GRIA1: variants seen among roughly 807,000 people sequenced by gnomAD.
The protein encoded by GRIA1 is glutamate ionotropic receptor AMPA type subunit 1.
Under a neutral mutation model 99.2 loss-of-function variants are expected in GRIA1, and 31 were observed. That is an observed-to-expected ratio of 0.31 (90% confidence interval 0.23 to 0.42). The LOEUF is 0.42. Ranked by LOEUF, GRIA1 falls within the 10% of genes least tolerant of loss-of-function variation. The pLI, the probability that GRIA1 is intolerant of heterozygous loss-of-function variation, is 1.00. For synonymous variants in GRIA1, 438 were observed against 432.4 expected, an observed-to-expected ratio of 1.01 and a Z score of -0.16; for missense variants, 782 against 1,157.5, an observed-to-expected ratio of 0.68 and a Z score of 4.71.
intron 2 of GRIA1, among the ~76,000 whole-genome samples, chr5:153,566,493 A>T (rs564551780): frequency 6.7e-6 from 1 of 149,344 alleles, no homozygotes; most frequent in Admixed American, 6.7e-5. Context: ...TTTAGTAGAG[A>T]TGGGGTTTCA....
chr5:153,571,453 T>C (rs1426538825), intron 2 of GRIA1, among the ~76,000 whole-genome samples: 1 of 152,190 alleles, frequency 6.6e-6, no homozygotes, highest in South Asian at 2.1e-4. Context: ...AATGAACATG[T>C]TCCAGCAAAA....
chr5:153,644,080 G>T (rs778332456), intron 2 of GRIA1, among the ~76,000 whole-genome samples: 1 of 152,152 alleles, frequency 6.6e-6, no homozygotes, highest in African/African-American at 2.4e-5. Flanking sequence ...AAATACTGTA[G>T]AGAGTATATT....
chr5:153,585,510 T>C (rs1000203244), intron 2 of GRIA1, among the ~76,000 whole-genome samples: 4 of 151,882 alleles, frequency 2.6e-5, no homozygotes, highest in African/African-American at 9.7e-5. Context: ...GGTTTCACCA[T>C]ATTGGTCAGG....
At chr5:153,690,996 T>C (rs1240792991) in intron 8 of GRIA1, among the ~76,000 whole-genome samples, 1 of 152,206 alleles carries the variant, frequency 6.6e-6, no homozygotes, top group East Asian at 1.9e-4. Flanking sequence ...AAGGAGCTGT[T>C]TCTTCCAGAT....
chr5:153,516,937 G>A (rs1273091757), intron 2 of GRIA1, among the ~76,000 whole-genome samples: 1 of 152,172 alleles, frequency 6.6e-6, no homozygotes, highest in Non-Finnish European at 1.5e-5. Flanking sequence ...GTATTATGAA[G>A]AAAAACAAAT....
At chr5:153,786,883 C>T (rs1033772434) in intron 13 of GRIA1, among the ~76,000 whole-genome samples, 9 of 152,250 alleles carry the variant, frequency 5.9e-5, no homozygotes, top group Middle Eastern at 3.4e-3. Context: ...TGCCCAGCAG[C>T]CTGGTCTGAT....
intron 15 of GRIA1, among the ~76,000 whole-genome samples, chr5:153,803,143 A>G (rs1233951755): frequency 3.9e-5 from 6 of 152,356 alleles, no homozygotes; most frequent in African/African-American, 1.4e-4. Context: ...ACAGATGACT[A>G]AAGGTGATAG....
intron 2 of GRIA1, among the ~76,000 whole-genome samples, chr5:153,544,081 G>A (rs1759389991): frequency 6.6e-6 from 1 of 152,058 alleles, no homozygotes; most frequent in Non-Finnish European, 1.5e-5. Flanking sequence ...CACAGAATCT[G>A]GGAAAAAAGT....
rs77482196 is a variant in GRIA1 at position 153,679,345 on chromosome 5, C to T, written c.1029+2184C>T. On this transcript the variant is annotated intron_variant, in intron 7 of 15. Coordinates refer to ENST00000285900, the MANE Select transcript of GRIA1 (RefSeq NM_000827.4). ...TGACCTTAAGATCAGAGGTTCAAAT[C>T]GATTCATTTTCCAATCTTTGTTAAG... 2.6e-3 allele frequency among the ~76,000 whole-genome samples: 403 copies of T among 152,326 alleles called. 7 individuals carry two copies. In the East Asian group the frequency reaches 0.029, roughly 11 times the overall value.
At chr5:153,624,666 G>C (rs57512541) in intron 2 of GRIA1, among the ~76,000 whole-genome samples, 3 of 152,094 alleles carry the variant, frequency 2.0e-5, no homozygotes, top group Admixed American at 6.5e-5. Flanking sequence ...ACCTCAACAG[G>C]GGGGAAAAAA....
At chr5:153,501,481 AG>A (rs527793231) in intron 2 of GRIA1, among the ~76,000 whole-genome samples, 237 of 152,284 alleles carry the variant, frequency 1.6e-3, no homozygotes, top group Non-Finnish European at 2.7e-3. Flanking sequence ...TCCTGGGCAG[AG>A]GCCTGGCCAG....
chr5:153,494,745 T>A (rs905334044), intron 2 of GRIA1, among the ~76,000 whole-genome samples: 3 of 152,210 alleles, frequency 2.0e-5, no homozygotes, highest in Admixed American at 2.0e-4. Context: ...TGAGTTTTCC[T>A]GGCAACTAGG....
intron 5 of GRIA1, 56 bp downstream of exon 5, chr5:153,655,928 C>A: frequency 6.8e-7 from 1 of 1,463,678 alleles, no homozygotes; most frequent in Non-Finnish European, 9.6e-7. Flanking sequence ...TGGGGCCCTA[C>A]CTTGCTTCTG....
intron 2 of GRIA1, among the ~76,000 whole-genome samples, chr5:153,643,178 A>G (rs1214673740): frequency 6.6e-6 from 1 of 152,178 alleles, no homozygotes; most frequent in East Asian, 1.9e-4. Context: ...AATAACTAAA[A>G]TATTGTCGAA....
chr5:153,676,972 C>T (rs778012531), intron 6 of GRIA1, 22 bp from the exon 7 acceptor site: 1 of 1,371,790 alleles, frequency 7.3e-7, no homozygotes, highest in South Asian at 2.1e-5. Flanking sequence ...TGATACCTAA[C>T]TGTCTCCATT....
chr5:153,625,338 A>G (rs2149427938), intron 2 of GRIA1, among the ~76,000 whole-genome samples: 1 of 152,324 alleles, frequency 6.6e-6, no homozygotes, highest in African/African-American at 2.4e-5. Flanking sequence ...GCTATTCAGC[A>G]TCCATTTAGG....
At position 153,655,814 on chromosome 5, in the gene GRIA1, T is replaced by C; in HGVS notation, c.646-5T>C. ...TAATGAGTCTCCACCTATTATGTTTTGTAGATTATAAAGCTAGAGAAGAAT... is the reference window on the plus strand; with the variant it reads ...TAATGAGTCTCCACCTATTATGTTTCGTAGATTATAAAGCTAGAGAAGAAT... On this transcript the variant is annotated splice_region_variant and splice_polypyrimidine_tract_variant and intron_variant, in intron 4 of 15. Coordinates refer to ENST00000285900, the MANE Select transcript of GRIA1 (RefSeq NM_000827.4). 1.2e-6 allele frequency: 2 copies of C among 1,612,296 alleles called. No individual in the cohort carries two copies. Among genetic ancestry groups the C allele is most frequent in the Non-Finnish European group, 1.7e-6 (2 of 1,178,652 alleles).
intron 11 of GRIA1, among the ~76,000 whole-genome samples, chr5:153,725,398 T>A (rs1429342440): frequency 6.7e-6 from 1 of 148,776 alleles, no homozygotes; most frequent in Non-Finnish European, 1.5e-5. Context: ...CACATAAGAA[T>A]ATTAACTTTA....
chr5:153,779,621 C>T lies in GRIA1; in HGVS notation c.2270+9206C>T, dbSNP rs141819976. ...TTTTGCCCAGGCTAGAGTGCAATGG[C>T]GCAATCTCAGCTCACTGCAACCTCC... On this transcript the variant is annotated intron_variant, in intron 13 of 15. Coordinates refer to ENST00000285900, the MANE Select transcript of GRIA1 (RefSeq NM_000827.4). Among the ~76,000 whole-genome samples, 728 of 152,276 alleles carry T rather than the reference C, an allele frequency of 4.8e-3. 3 individuals carry two copies. Among genetic ancestry groups the T allele is most frequent in the Non-Finnish European group, 7.2e-3 (488 of 68,028 alleles).
Sources: gnomAD v4.1 joint callset for allele counts (sites outside exome capture counted in the v4.1 genomes callset) on GRCh38, gnomAD v4.1.1 for gene constraint, MANE v1.5 for transcripts, NCBI Gene and HGNC (gene_info 2026-07-23, HGNC 2026-07-21) for gene names.